Variants in SHOC2 observed in about 807,000 individuals in gnomAD.
SHOC2 encodes the protein leucine-rich repeat protein SHOC-2.
SHOC2 carries 4 observed loss-of-function variants against 50.2 expected under a neutral mutation model. The ratio of observed to expected loss-of-function variants is 0.08; its 90% CI spans 0.04 to 0.18. The LOEUF (loss-of-function observed/expected upper bound fraction) is 0.18, where lower values mean the gene tolerates loss of function less well. Among genes scored for constraint, SHOC2 ranks in the 10% least tolerant of loss-of-function variants. The pLI, the probability that SHOC2 is intolerant of heterozygous loss-of-function variation, is 1.00. For synonymous variants in SHOC2, 218 were observed against 244.5 expected (o/e 0.89, Z 1.01); for missense variants, 388 against 669.6 (o/e 0.58, Z 4.64).
chr10:110,977,124 A>G (rs886434676), intron 2 of SHOC2, among the ~76,000 whole-genome samples: 1 of 152,134 alleles, frequency 6.6e-6, no homozygotes, highest in Non-Finnish European at 1.5e-5. Context: ...CCTTGAACAT[A>G]TGGAGCTCAT....
In SHOC2 at chr10:110,930,541, G is replaced by C. The variant is rs1030685704; in HGVS notation, c.-235+10884G>C. 4.6e-5 allele frequency among the ~76,000 whole-genome samples: 7 copies of C among 152,056 alleles called. No homozygotes were observed. In the East Asian group the frequency reaches 1.2e-3, roughly 25 times the overall value. On this transcript the variant is annotated intron_variant, in intron 1 of 8. Coordinates refer to ENST00000369452, the MANE Select transcript of SHOC2 (RefSeq NM_007373.4). ...TGAAAATACTATATTGAATATTGTAGTCATCTTAGTGTATGTAGCAGTTAT... is the reference window on the plus strand; with the variant it reads ...TGAAAATACTATATTGAATATTGTACTCATCTTAGTGTATGTAGCAGTTAT...
chr10:110,924,479 A>T (rs1846716509), intron 1 of SHOC2, among the ~76,000 whole-genome samples: 2 of 152,338 alleles, frequency 1.3e-5, no homozygotes, highest in South Asian at 4.1e-4. Context: ...TTGGGCAGTT[A>T]GAGAAGAATA....
chr10:110,983,680 C>T (rs1157354242), intron 2 of SHOC2, among the ~76,000 whole-genome samples: 1 of 152,138 alleles, frequency 6.6e-6, no homozygotes, highest in Non-Finnish European at 1.5e-5. Flanking sequence ...CCTCATTCCC[C>T]TCTCTCCTCA....
intron 6 of SHOC2, among the ~76,000 whole-genome samples, chr10:111,008,505 A>T (rs1040751529): frequency 7.3e-4 from 111 of 152,188 alleles, no homozygotes; most frequent in African/African-American, 2.5e-3. Flanking sequence ...AATGGGGATA[A>T]TAAGAGTATC....
intron 1 of SHOC2, among the ~76,000 whole-genome samples, chr10:110,949,868 A>G (rs372707749): frequency 1.3e-4 from 20 of 152,180 alleles, no homozygotes; most frequent in East Asian, 9.6e-4. Context: ...AAAACATTTG[A>G]CAAGATTATC....
intron 2 of SHOC2, among the ~76,000 whole-genome samples, chr10:110,976,547 A>G (rs1847881947): frequency 2.0e-5 from 3 of 152,132 alleles, no homozygotes; most frequent in African/African-American, 7.2e-5. Context: ...CCTGGGCTCA[A>G]GCAATCCATC....
chr10:110,942,993 T>C (rs2134093356), intron 1 of SHOC2, among the ~76,000 whole-genome samples: 1 of 152,320 alleles, frequency 6.6e-6, no homozygotes, highest in South Asian at 2.1e-4. Flanking sequence ...AGTTTTTTCA[T>C]CCTCAGTTTT....
chr10:110,938,613 A>C (rs1456954805), intron 1 of SHOC2, among the ~76,000 whole-genome samples: 2 of 152,210 alleles, frequency 1.3e-5, no homozygotes, highest in Admixed American at 6.5e-5. Flanking sequence ...TAAATTTGGG[A>C]TATCTTCTAT....
intron 1 of SHOC2, among the ~76,000 whole-genome samples, chr10:110,959,803 T>A (rs1210935051): frequency 6.6e-6 from 1 of 152,224 alleles, no homozygotes; most frequent in African/African-American, 2.4e-5. Flanking sequence ...GCTTTTTAAA[T>A]TTTCTGCCTT....
At chr10:110,983,954 A>C (rs1848031953) in intron 2 of SHOC2, among the ~76,000 whole-genome samples, 1 of 152,218 alleles carries the variant, frequency 6.6e-6, no homozygotes, top group African/African-American at 2.4e-5. Context: ...TATTGTAAAT[A>C]ATGCTGCCAT....
chr10:110,984,871 G>T (rs964007590), intron 2 of SHOC2, among the ~76,000 whole-genome samples: 3 of 152,070 alleles, frequency 2.0e-5, no homozygotes, highest in Admixed American at 6.5e-5. Context: ...GCATATATGA[G>T]ATTTCATATT....
At chr10:110,953,166 A>G (rs1236142877) in intron 1 of SHOC2, among the ~76,000 whole-genome samples, 2 of 152,170 alleles carry the variant, frequency 1.3e-5, no homozygotes, top group African/African-American at 4.8e-5. Flanking sequence ...TGGTTGAACT[A>G]ATTTACATTC....
chr10:110,935,243 C>T (rs2134081934), intron 1 of SHOC2, among the ~76,000 whole-genome samples: 1 of 152,204 alleles, frequency 6.6e-6, no homozygotes, highest in South Asian at 2.1e-4. Context: ...TATTCCCTTA[C>T]CACAGAGGAA....
chr10:110,940,910 G>GGTTTTTTTTTTTTTTTTTTTT lies in SHOC2; in HGVS notation c.-235+21253_-235+21254insGTTTTTTTTTTTTTTTTTTTT, dbSNP rs1564705752. Among the ~76,000 whole-genome samples the GGTTTTTTTTTTTTTTTTTTTT allele has an allele frequency of 1.7e-5, 2 of 119,504 alleles. 1 individual carries two copies. Among genetic ancestry groups the GGTTTTTTTTTTTTTTTTTTTT allele is most frequent in the African/African-American group, 6.4e-5 (2 of 31,418 alleles). The allele number at this position is 119,504 out of a possible 152,430, so 78.4% of individuals were successfully genotyped here. On this transcript the variant is annotated intron_variant, in intron 1 of 8. Transcript: ENST00000369452. ...GACAAAATAGTGGTATTTGTGGTGG[G>GGTTTTTTTTTTTTTTTTTTTT]TTTTTTTTTTTTTTTTTTTTTTTTT...
chr10:111,004,414 C>T (rs1848432786), intron 4 of SHOC2, among the ~76,000 whole-genome samples, 192 bp from the exon 5 acceptor site: 1 of 152,218 alleles, frequency 6.6e-6, no homozygotes, highest in Non-Finnish European at 1.5e-5. Context: ...TTCCACATTT[C>T]TGCAAGGCAC....
chr10:110,935,757 A>G (rs903186435), intron 1 of SHOC2, among the ~76,000 whole-genome samples: 8 of 152,232 alleles, frequency 5.3e-5, no homozygotes, highest in Admixed American at 1.3e-4. Flanking sequence ...CAATTGAAAT[A>G]TACTTAAAGA....
chr10:110,946,157 CTTA>C (rs1847242802), intron 1 of SHOC2, among the ~76,000 whole-genome samples: 2 of 151,970 alleles, frequency 1.3e-5, no homozygotes, highest in African/African-American at 2.4e-5. Flanking sequence ...TCCTTGATAT[CTTA>C]TTATTGTAGT....
At chr10:110,953,730 GTATATA>G (rs143976923) in intron 1 of SHOC2, among the ~76,000 whole-genome samples, 2 of 147,310 alleles carry the variant, frequency 1.4e-5, no homozygotes, top group African/African-American at 4.9e-5. Context: ...ACACACACGT[GTATATA>G]TATATATATA....
At chr10:110,950,341 A>G (rs1847327327) in intron 1 of SHOC2, among the ~76,000 whole-genome samples, 1 of 152,170 alleles carries the variant, frequency 6.6e-6, no homozygotes, top group Non-Finnish European at 1.5e-5. Flanking sequence ...TGATCTACAC[A>G]GAAATCGATA....
Sources: gnomAD v4.1 joint callset for allele counts (sites outside exome capture counted in the v4.1 genomes callset) on GRCh38, gnomAD v4.1.1 for gene constraint, MANE v1.5 for transcripts, NCBI Gene and HGNC (gene_info 2026-07-23, HGNC 2026-07-21) for gene names.